PDE4B: variants seen among roughly 807,000 people sequenced by gnomAD.
PDE4B encodes 3',5'-cyclic-AMP phosphodiesterase 4B.
In PDE4B, 20 loss-of-function variants were observed where a neutral mutation model predicts 82.2. That is an observed-to-expected ratio of 0.24 (90% CI 0.17 to 0.35). PDE4B has a LOEUF of 0.35. Among genes scored for constraint, PDE4B ranks in the 10% least tolerant of loss-of-function variants. The pLI is 1.00. For synonymous variants in PDE4B, 320 were observed against 318.9 expected (o/e 1.00, Z -0.04); for missense variants, 655 against 907.2 (o/e 0.72, Z 3.57).
intron 8 of PDE4B, among the ~76,000 whole-genome samples, chr1:66,344,871 C>T (rs574365044): frequency 1.3e-5 from 2 of 152,338 alleles, no homozygotes; most frequent in Non-Finnish European, 2.9e-5. Context: ...GCAGAGATTT[C>T]TAAGGCCCAT....
chr1:66,229,652 A>G (rs1159744930), intron 3 of PDE4B, among the ~76,000 whole-genome samples: 1 of 152,208 alleles, frequency 6.6e-6, no homozygotes, highest in African/African-American at 2.4e-5. Context: ...ATTACATTTC[A>G]GAGACTGGGG....
At chr1:66,172,790 GTA>G (rs1557609224) in intron 3 of PDE4B, among the ~76,000 whole-genome samples, 9 of 131,996 alleles carry the variant, frequency 6.8e-5, no homozygotes, top group African/African-American at 2.6e-4. Context: ...TATGTATTAT[GTA>G]TAAGTTGGCA....
At chr1:65,976,007 A>G (rs1187820312) in intron 3 of PDE4B, among the ~76,000 whole-genome samples, 1 of 152,120 alleles carries the variant, frequency 6.6e-6, no homozygotes, top group Non-Finnish European at 1.5e-5. Context: ...TGCCCAGTGG[A>G]GCTGTGAGAA....
chr1:66,047,529 T>C (rs940483939), intron 3 of PDE4B, among the ~76,000 whole-genome samples: 16 of 151,936 alleles, frequency 1.1e-4, no homozygotes, highest in Non-Finnish European at 1.9e-4. Context: ...TCCAGCCCAG[T>C]GTTGCTCAGT....
At chr1:66,215,019 C>T (rs1650343960) in intron 3 of PDE4B, among the ~76,000 whole-genome samples, 1 of 151,802 alleles carries the variant, frequency 6.6e-6, no homozygotes, top group South Asian at 2.1e-4. Context: ...AGAAAAAAGT[C>T]TAGACTCTAG....
chr1:66,252,764 CCT>C (rs1202008113), intron 4 of PDE4B, among the ~76,000 whole-genome samples: 1 of 152,064 alleles, frequency 6.6e-6, no homozygotes, highest in African/African-American at 2.4e-5. Flanking sequence ...GTGGCGAAGC[CCT>C]GTCTCTACAA....
chr1:66,228,639 A>AC, intron 3 of PDE4B, among the ~76,000 whole-genome samples: 1 of 142,838 alleles, frequency 7.0e-6, no homozygotes, highest in Admixed American at 6.7e-5. Context: ...AAAAAAAAAA[A>AC]AAAACATGCT....
At chr1:66,202,311 A>AATG (rs1649049998) in intron 3 of PDE4B, among the ~76,000 whole-genome samples, 1 of 152,004 alleles carries the variant, frequency 6.6e-6, no homozygotes, top group South Asian at 2.1e-4. Context: ...TGCTGAAAAG[A>AATG]ATGTATATTC....
At chr1:66,314,045 G>T (rs1014050938) in intron 7 of PDE4B, among the ~76,000 whole-genome samples, 2 of 152,082 alleles carry the variant, frequency 1.3e-5, no homozygotes, top group Non-Finnish European at 2.9e-5. Flanking sequence ...GGACACAATT[G>T]TCACCCTTTG....
chr1:66,260,429 G>A (rs75048667), intron 6 of PDE4B, among the ~76,000 whole-genome samples: 14,474 of 152,152 alleles, frequency 0.095, 2,258 homozygotes, highest in African/African-American at 0.33. Flanking sequence ...CAGAAAGCCT[G>A]AAGACAGAGA....
chr1:66,221,128 C>T (rs1033702942), intron 3 of PDE4B, among the ~76,000 whole-genome samples: 1 of 152,010 alleles, frequency 6.6e-6, no homozygotes, highest in Non-Finnish European at 1.5e-5. Context: ...TAGGCAAGAA[C>T]CAAGGCAGCC....
intron 3 of PDE4B, among the ~76,000 whole-genome samples, chr1:66,125,935 T>C (rs1645813352): frequency 6.6e-6 from 1 of 152,188 alleles, no homozygotes; most frequent in Non-Finnish European, 1.5e-5. Flanking sequence ...GCCTCCTGAG[T>C]AGCTGAAATT....
At chr1:65,855,282 T>C (rs866554511) in intron 1 of PDE4B, among the ~76,000 whole-genome samples, 7 of 152,148 alleles carry the variant, frequency 4.6e-5, no homozygotes, top group African/African-American at 1.7e-4. Flanking sequence ...ATATTGGAAA[T>C]TGTGAATGTT....
intron 3 of PDE4B, among the ~76,000 whole-genome samples, chr1:66,121,556 A>G (rs1224379907): frequency 1.3e-5 from 2 of 152,198 alleles, no homozygotes; most frequent in African/African-American, 4.8e-5. Flanking sequence ...CTAGACAAGA[A>G]AGATGTGCCT....
chr1:65,886,828 GA>G, intron 1 of PDE4B, among the ~76,000 whole-genome samples: 1 of 152,110 alleles, frequency 6.6e-6, no homozygotes, highest in South Asian at 2.1e-4. Flanking sequence ...ACAATGCAGC[GA>G]TAAACATGTA....
intron 3 of PDE4B, among the ~76,000 whole-genome samples, chr1:65,967,753 G>T (rs957964679): frequency 2.0e-5 from 3 of 152,096 alleles, no homozygotes; most frequent in African/African-American, 7.2e-5. Flanking sequence ...ATCATTCTCA[G>T]CAAACAAACA....
In PDE4B at chr1:65,861,198, T is replaced by G. The variant is rs147719800; in HGVS notation, c.-70-52047T>G. On this transcript the variant is annotated intron_variant, in intron 1 of 16. Coordinates refer to ENST00000341517, the MANE Select transcript of PDE4B (RefSeq NM_002600.4). ...GGTTTGGGGTTTTACATTTAAATCTTTAATCCATCTTGAGTTAATTTTTGT... is the reference window on the plus strand; with the variant it reads ...GGTTTGGGGTTTTACATTTAAATCTGTAATCCATCTTGAGTTAATTTTTGT... Among the ~76,000 whole-genome samples, 768 of 152,342 alleles carry G rather than the reference T, an allele frequency of 5.0e-3. 9 individuals carry two copies. The highest frequency in any genetic ancestry group is 0.017 in the African/African-American group (724 of 41,574).
chr1:66,098,543 A>C (rs1442813324), intron 3 of PDE4B, among the ~76,000 whole-genome samples: 1 of 152,166 alleles, frequency 6.6e-6, no homozygotes, highest in Admixed American at 6.6e-5. Context: ...CAAAGGTTAC[A>C]TATGCAGCCT....
intron 1 of PDE4B, among the ~76,000 whole-genome samples, chr1:65,801,789 T>C (rs760977433): frequency 5.9e-5 from 9 of 152,212 alleles, no homozygotes; most frequent in Non-Finnish European, 1.0e-4. Flanking sequence ...ATTTGGATTA[T>C]AGGCAAAATG....
Sources: gnomAD v4.1 joint callset for allele counts (sites outside exome capture counted in the v4.1 genomes callset) on GRCh38, gnomAD v4.1.1 for gene constraint, MANE v1.5 for transcripts, NCBI Gene and HGNC (gene_info 2026-07-23, HGNC 2026-07-21) for gene names.